The following AZIN1 variants were observed in gnomAD, a reference collection of about 807,000 sequenced individuals.
AZIN1 encodes ornithine decarboxylase antizyme inhibitor.
A neutral mutation model predicts 47.4 loss-of-function variants in AZIN1; 12 were observed. The observed-to-expected ratio is 0.25, with a 90% CI of 0.16 to 0.41. The LOEUF (loss-of-function observed/expected upper bound fraction) is 0.41, where lower values mean the gene tolerates loss of function less well. AZIN1 is among the 10% of genes least tolerant of loss of function. The pLI is 1.00. For missense variants in AZIN1, 410 were observed against 532.4 expected, an observed-to-expected ratio of 0.77 and a Z score of 2.26; for synonymous variants, 155 against 176.3, an observed-to-expected ratio of 0.88 and a Z score of 0.96.
intron 10 of AZIN1, 134 bp downstream of exon 10, chr8:102,829,687 G>A (rs1811312327): frequency 3.6e-6 from 3 of 836,790 alleles, no homozygotes; most frequent in Non-Finnish European, 5.8e-6. Flanking sequence ...GACTCCACCA[G>A]AAGAACGCAA....
chr8:102,832,677 G>C (rs1811536849), intron 9 of AZIN1, among the ~76,000 whole-genome samples: 1 of 148,104 alleles, frequency 6.8e-6, no homozygotes, highest in Admixed American at 6.8e-5. Flanking sequence ...TCTCACTCTT[G>C]TCACCCAGGC....
intron 2 of AZIN1, among the ~76,000 whole-genome samples, chr8:102,853,710 T>C (rs942017900): frequency 1.3e-5 from 2 of 152,186 alleles, no homozygotes; most frequent in Admixed American, 6.5e-5. Context: ...ACTTTATGTA[T>C]GCCAAGGGGA....
intron 7 of AZIN1, 140 bp downstream of exon 7, chr8:102,834,526 G>A (rs1015318697): frequency 2.9e-6 from 2 of 683,356 alleles, no homozygotes; most frequent in Non-Finnish European, 4.9e-6. Flanking sequence ...ACAGAGCTCT[G>A]AATGCTTATA....
intron 10 of AZIN1, 77 bp from the exon 11 acceptor site, chr8:102,829,563 C>T: frequency 7.5e-7 from 1 of 1,329,670 alleles, no homozygotes; most frequent in Non-Finnish European, 1.0e-6. Context: ...TAAGTATTTT[C>T]ACTGTCTCAG....
At chr8:102,838,038 A>C (rs889748373) in intron 5 of AZIN1, among the ~76,000 whole-genome samples, 1 of 152,120 alleles carries the variant, frequency 6.6e-6, no homozygotes, top group African/African-American at 2.4e-5. Flanking sequence ...GGTTCAAGGG[A>C]TTCTCTTGCC....
At chr8:102,858,452 TTTTA>T (rs1179938976) in intron 1 of AZIN1, among the ~76,000 whole-genome samples, 4 of 152,210 alleles carry the variant, frequency 2.6e-5, no homozygotes, top group African/African-American at 4.8e-5. Context: ...TCATTTTTGC[TTTTA>T]TTTGTCCTCT....
chr8:102,843,371 G>T (rs1026988012), intron 3 of AZIN1, among the ~76,000 whole-genome samples, 180 bp downstream of exon 3: 1 of 152,088 alleles, frequency 6.6e-6, no homozygotes, highest in South Asian at 2.1e-4. Context: ...AAAATAATGT[G>T]GATTGGAAAG....
At chr8:102,838,486 T>C (rs1424345467) in intron 5 of AZIN1, among the ~76,000 whole-genome samples, 2 of 152,206 alleles carry the variant, frequency 1.3e-5, no homozygotes, top group Non-Finnish European at 2.9e-5. Flanking sequence ...TCACACCAAC[T>C]ATCAAGGATT....
chr8:102,841,791 AATAT>A lies in AZIN1; in HGVS notation c.102+1756_102+1759del, dbSNP rs1208641693. Among the ~76,000 whole-genome samples the A allele has an allele frequency of 1.1e-3, 153 of 138,120 alleles. 11 individuals are homozygous for A. The highest frequency in any genetic ancestry group is 3.6e-3 in the Middle Eastern group (1 of 276). 90.6% of individuals were successfully genotyped at this position (138,120 alleles called of 152,430 possible). Reference sequence around the variant, plus strand: ...AAGAAAGATTGTATCAGTTAAGTCTAATATATATATATATAAAAAAAAAAAAAAA... The same window carrying A: ...AAGAAAGATTGTATCAGTTAAGTCTAATATATATATAAAAAAAAAAAAAAA... On this transcript the variant is annotated intron_variant, in intron 3 of 11. Transcript: ENST00000337198.
At chr8:102,830,395 C>A (rs1811362390) in intron 9 of AZIN1, among the ~76,000 whole-genome samples, 1 of 126,228 alleles carries the variant, frequency 7.9e-6, no homozygotes, top group African/African-American at 3.2e-5. Flanking sequence ...GAATGAGACC[C>A]TGTCTCAAAA....
rs11355998 is a variant in AZIN1 at position 102,833,753 on chromosome 8, A to ATT, written c.741+434_741+435dup. On this transcript the variant is annotated intron_variant, in intron 8 of 11. Coordinates refer to ENST00000337198, the MANE Select transcript of AZIN1 (RefSeq NM_148174.4). ...AGCCTGGGCAATATAGAAAGACTCA[A>ATT]TTTTTTTTTTTTTTTTTTTTTAAGT... Among the ~76,000 whole-genome samples the ATT allele has an allele frequency of 6.5e-3, 851 of 130,562 alleles. 10 individuals carry two copies. The highest frequency in any genetic ancestry group is 0.023 in the African/African-American group (778 of 34,382). 85.7% of individuals were successfully genotyped at this position (130,562 alleles called of 152,430 possible).
chr8:102,842,098 T>A, intron 3 of AZIN1, among the ~76,000 whole-genome samples: 2 of 149,406 alleles, frequency 1.3e-5, no homozygotes, highest in East Asian at 2.0e-4. Flanking sequence ...GCAACAAGAG[T>A]GAAACTTCGT....
chr8:102,862,132 T>C (rs1813711987), intron 1 of AZIN1, among the ~76,000 whole-genome samples: 1 of 152,308 alleles, frequency 6.6e-6, no homozygotes, highest in African/African-American at 2.4e-5. Context: ...TTCTACATCT[T>C]GACAAAAGGT....
intron 2 of AZIN1, among the ~76,000 whole-genome samples, chr8:102,848,323 C>CAAAAAAAAAAAAAAAAAAAAAAAA (rs60663839): frequency 1.1e-5 from 1 of 91,588 alleles, no homozygotes; most frequent in Non-Finnish European, 2.2e-5. Flanking sequence ...ACTAAAAGGC[C>CAAAAAAAAAAAAAAAAAAAAAAAA]AAAAAAAAAA....
At chr8:102,845,954 A>ATTTGAGGGC (rs1812543833) in intron 2 of AZIN1, among the ~76,000 whole-genome samples, 1 of 152,118 alleles carries the variant, frequency 6.6e-6, no homozygotes, top group Non-Finnish European at 1.5e-5. Flanking sequence ...CTTGCTGTCT[A>ATTTGAGGGC]TGTCTTTTTG....
chr8:102,856,455 A>C (rs1276889946), intron 2 of AZIN1, among the ~76,000 whole-genome samples: 1 of 152,202 alleles, frequency 6.6e-6, no homozygotes, highest in Admixed American at 6.5e-5. Context: ...TAATCTAAAG[A>C]CTACTTTTCC....
In AZIN1 at chr8:102,839,676, C is replaced by A; in HGVS notation, c.250G>T (p.Gly84Ter). The A allele has an allele frequency of 6.4e-7, 1 of 1,572,816 alleles. No homozygotes were observed. ...PAVLEILAAL[G>*]TGFACSSKNE... Reference sequence around the variant, plus strand: ...TTACTGGAACAAGCAAATCCGGTTCCAAGAGCTGCCAAAATCTCAAGTACA... The same window carrying A: ...TTACTGGAACAAGCAAATCCGGTTCAAAGAGCTGCCAAAATCTCAAGTACA... Residue 84 changes from glycine (G) to a stop codon, truncating the protein, a stop_gained, in exon 4 of 12, where the codon GGA (glycine) becomes TGA (stop). Transcript: ENST00000337198. LOFTEE classifies it high-confidence loss of function.
chr8:102,826,621 G>A lies in AZIN1; in HGVS notation c.*1946C>T, dbSNP rs1483359808. On this transcript the variant is annotated 3_prime_UTR_variant, in exon 12 of 12. Transcript: ENST00000337198. ...TTAAAAGTTACCGTATCATTCACAT[G>A]TGATATTTGCAACTCTGAGCTATTT... 1.3e-5 allele frequency: 2 copies of A among 152,624 alleles called. No individual in the cohort carries two copies. The highest frequency in any genetic ancestry group is 2.9e-5 in the Non-Finnish European group (2 of 68,046). The allele number at this position is 152,624 out of a possible 1,614,324, so 9.5% of individuals were successfully genotyped here.
At chr8:102,840,982 C>T (rs913820825) in intron 3 of AZIN1, among the ~76,000 whole-genome samples, 7 of 126,346 alleles carry the variant, frequency 5.5e-5, no homozygotes, top group African/African-American at 1.8e-4. Flanking sequence ...TTACGGGAAC[C>T]ACAAGAGAAA....
Sources: gnomAD v4.1 joint callset for allele counts (sites outside exome capture counted in the v4.1 genomes callset) on GRCh38, gnomAD v4.1.1 for gene constraint, MANE v1.5 for transcripts, NCBI Gene and HGNC (gene_info 2026-07-23, HGNC 2026-07-21) for gene names.